The following CKMT2 variants were observed in gnomAD, a reference collection of about 807,000 sequenced individuals.
CKMT2 encodes creatine kinase, mitochondrial 2.
A neutral mutation model predicts 48.9 loss-of-function variants in CKMT2; 43 were observed. The observed-to-expected ratio is 0.88, with a 90% CI of 0.69 to 1.13. CKMT2 has a LOEUF of 1.13. Among genes scored for constraint, CKMT2 ranks in the 50% most tolerant of loss-of-function variants. The probability of loss-of-function intolerance (pLI) is 0.00; values close to 1 mark genes in which losing one functional copy is unlikely to be tolerated. For synonymous variants in CKMT2, 206 were observed against 213.0 expected (o/e 0.97, Z 0.29); for missense variants, 472 against 555.4 (o/e 0.85, Z 1.51).
intron 9 of CKMT2, among the ~76,000 whole-genome samples, chr5:81,263,864 C>T (rs1757311145): frequency 6.6e-6 from 1 of 152,144 alleles, no homozygotes; most frequent in Non-Finnish European, 1.5e-5. Flanking sequence ...CTGTTGTCAC[C>T]GACCTGCCAT....
chr5:81,239,682 T>C (rs1435760134), intron 1 of CKMT2, among the ~76,000 whole-genome samples: 3 of 152,188 alleles, frequency 2.0e-5, no homozygotes, highest in Admixed American at 1.3e-4. Context: ...AACAACATCG[T>C]TGAATGGTCT....
intron 9 of CKMT2, among the ~76,000 whole-genome samples, chr5:81,264,797 A>G (rs1268845637): frequency 2.6e-5 from 4 of 152,182 alleles, no homozygotes; most frequent in Non-Finnish European, 5.9e-5. Context: ...ATTTAACCCA[A>G]CAACCCTGAT....
intron 1 of CKMT2, among the ~76,000 whole-genome samples, chr5:81,239,687 T>C (rs1394802273): frequency 6.6e-6 from 1 of 152,174 alleles, no homozygotes; most frequent in Non-Finnish European, 1.5e-5. Context: ...CATCGTTGAA[T>C]GGTCTGTCCC....
chr5:81,254,263 T>G, intron 3 of CKMT2, 133 bp from the exon 4 acceptor site: 5 of 664,240 alleles, frequency 7.5e-6, no homozygotes, highest in South Asian at 7.1e-5. Context: ...ATTTCCTATA[T>G]GATAGTCCTG....
intron 6 of CKMT2, 61 bp from the exon 7 acceptor site, chr5:81,257,672 A>G: frequency 6.6e-7 from 1 of 1,509,588 alleles, no homozygotes; most frequent in South Asian, 1.2e-5. Context: ...AGGTAATGGG[A>G]ATTTTCATGT....
chr5:81,251,197 G>A lies in CKMT2; in HGVS notation c.65G>A (p.Gly22Asp), dbSNP rs769851378. The change falls in exon 2 of 10, where the codon GGC becomes GAC. Residue 22 changes from glycine (G) to aspartate (D), a missense_variant. Coordinates refer to ENST00000254035, the MANE Select transcript of CKMT2 (RefSeq NM_001099735.2). ...GCTTCTCTGCTGTTTGCTACCATGG[G>A]CACCAGTGTCCTGACCACCGGGTAC... Reference protein sequence around the residue: ...RNASLLFATMGTSVLTTGYLL... With the variant: ...RNASLLFATMDTSVLTTGYLL... The A allele has an allele frequency of 5.0e-6, 8 of 1,614,028 alleles. No homozygotes were observed. Among genetic ancestry groups the A allele is most frequent in the Non-Finnish European group, 5.9e-6 (7 of 1,179,988 alleles).
At chr5:81,259,078 T>G in intron 7 of CKMT2, 42 bp from the exon 8 acceptor site, 3 of 1,585,266 alleles carry the variant, frequency 1.9e-6, no homozygotes, top group Non-Finnish European at 2.6e-6. Flanking sequence ...TGAATGGATG[T>G]TGGAAAATGC....
At chr5:81,233,630 G>A (rs1372291212) in intron 1 of CKMT2, among the ~76,000 whole-genome samples, 1 of 152,154 alleles carries the variant, frequency 6.6e-6, no homozygotes, top group Non-Finnish European at 1.5e-5. Context: ...GCTGCCTGCA[G>A]GGCCTCTTTT....
intron 7 of CKMT2, among the ~76,000 whole-genome samples, chr5:81,258,540 T>G (rs1291912425): frequency 6.6e-6 from 1 of 152,146 alleles, no homozygotes; most frequent in South Asian, 2.1e-4. Flanking sequence ...CCAGGTACTA[T>G]GTTGACTGCT....
intron 3 of CKMT2, among the ~76,000 whole-genome samples, chr5:81,253,727 C>T (rs1478758292): frequency 6.6e-6 from 1 of 152,206 alleles, no homozygotes; most frequent in African/African-American, 2.4e-5. Flanking sequence ...ACTCAAAGTC[C>T]TCCCCACTTC....
At chr5:81,237,870 G>A (rs1756297467) in intron 1 of CKMT2, 1 of 152,094 alleles carries the variant, frequency 6.6e-6, no homozygotes, top group South Asian at 2.1e-4. Flanking sequence ...GTAAGTGGAG[G>A]CAGTTTTAAC....
intron 1 of CKMT2, 135 bp from the exon 2 acceptor site, chr5:81,250,978 C>CACACACACACACACACACACACAG: frequency 3.1e-6 from 2 of 646,438 alleles, no homozygotes; most frequent in Non-Finnish European, 5.4e-6. Context: ...CACACACACA[C>CACACACACACACACACACACACAG]AGAAAGAGAG....
At chr5:81,254,575 G>A (rs563844338) in intron 4 of CKMT2, 84 bp downstream of exon 4, 162 of 1,196,836 alleles carry the variant, frequency 1.4e-4, no homozygotes, top group Non-Finnish European at 1.8e-4. Flanking sequence ...GGGGTTCCCC[G>A]CTGTAAGTCA....
rs1305413530 is a variant in CKMT2, at chr5:81,254,464, G to A, written c.420G>A (p.Lys140=). ...RHNGYDPRVM[K]HTTDLDASKI... Reference sequence around the variant, plus strand: ...ACGGCTATGACCCCAGGGTGATGAAGCACACAACGGATCTGGATGCATCAA... The same window carrying A: ...ACGGCTATGACCCCAGGGTGATGAAACACACAACGGATCTGGATGCATCAA... Residue 140 remains lysine (K), a synonymous_variant, in exon 4 of 10, where the codon AAG becomes AAA. Transcript: ENST00000254035. The A allele has an allele frequency of 3.7e-6, 6 of 1,614,102 alleles. No homozygotes were observed. In the East Asian group the frequency reaches 1.3e-4, roughly 36 times the overall value.
At position 81,256,836 on chromosome 5, in the gene CKMT2, G is replaced by C; in HGVS notation, c.670-79G>C. 5.9e-6 allele frequency: 6 copies of C among 1,014,856 alleles called. No individual in the cohort carries two copies. The South Asian group carries it at 8.9e-5, about 15-fold the overall frequency. 62.9% of individuals were successfully genotyped at this position (1,014,856 alleles called of 1,614,324 possible). ...GACAGCAGCCATGATAAGTGGGTTG[G>C]AACTTGTTCACCTGGCACTTGCAGT... On this transcript the variant is annotated intron_variant, in intron 5 of 9. Transcript: ENST00000254035.
intron 7 of CKMT2, 80 bp from the exon 8 acceptor site, chr5:81,259,036 ATCTC>A (rs746072985): frequency 7.5e-6 from 10 of 1,339,972 alleles, no homozygotes; most frequent in South Asian, 2.9e-5. Context: ...GAGGGTACAC[ATCTC>A]TCTCTCTGGT....
Position 81,257,018 on chromosome 5 carries a change from T to C in CKMT2, c.755+18T>C. On this transcript the variant is annotated intron_variant, in intron 6 of 9. Transcript: ENST00000254035. ...GGAATCTGGTATGGATGCAGCATTT[T>C]CACATTTGCAATATCTGTAGAGGAT... The C allele has an allele frequency of 1.2e-6, 2 of 1,601,508 alleles. No homozygotes were observed. Among genetic ancestry groups the C allele is most frequent in the Non-Finnish European group, 8.6e-7 (1 of 1,169,572 alleles).
intron 1 of CKMT2, 22 bp downstream of exon 1, chr5:81,233,399 T>C (rs1756164598): frequency 2.0e-6 from 2 of 985,346 alleles, no homozygotes; most frequent in Non-Finnish European, 1.2e-6. Flanking sequence ...CGTGAAACTC[T>C]GCTTTATTCC....
chr5:81,260,421 A>G (rs1452489368), intron 8 of CKMT2, among the ~76,000 whole-genome samples: 4 of 152,220 alleles, frequency 2.6e-5, no homozygotes, highest in African/African-American at 9.6e-5. Context: ...AACCTTCAAA[A>G]AATCAGTGAA....
Sources: allele counts gnomAD v4.1 joint callset (sites outside exome capture counted in the v4.1 genomes callset), GRCh38; gene constraint gnomAD v4.1.1; transcripts MANE v1.5; gene names NCBI Gene and HGNC (gene_info 2026-07-23, HGNC 2026-07-21).